The following ABLIM2 variants were observed in gnomAD, a reference collection of about 807,000 sequenced individuals.
ABLIM2 encodes the protein actin-binding LIM protein 2.
ABLIM2 carries 53 observed loss-of-function variants against 97.7 expected under a neutral mutation model. The ratio of observed to expected loss-of-function variants is 0.54; its 90% CI spans 0.44 to 0.68. ABLIM2 has a LOEUF of 0.68. Ranked by LOEUF, ABLIM2 falls within the 30% of genes least tolerant of loss-of-function variation. The pLI, the probability that ABLIM2 is intolerant of heterozygous loss-of-function variation, is 0.00. For synonymous variants in ABLIM2, 361 were observed against 345.8 expected (o/e 1.04, Z -0.49); for missense variants, 835 against 867.2 (o/e 0.96, Z 0.47).
At chr4:7,984,484 G>A (rs996817700) in intron 18 of ABLIM2, among the ~76,000 whole-genome samples, 10 of 152,224 alleles carry the variant, frequency 6.6e-5, no homozygotes, top group Non-Finnish European at 1.5e-4. Context: ...GCAGCCACAC[G>A]GGGAGCAAGG....
At chr4:8,109,844 C>T (rs749320796) in intron 1 of ABLIM2, among the ~76,000 whole-genome samples, 3 of 152,250 alleles carry the variant, frequency 2.0e-5, no homozygotes, top group Non-Finnish European at 4.4e-5. Flanking sequence ...CAGTGAGGGT[C>T]CCTGTGGGCT....
intron 8 of ABLIM2, among the ~76,000 whole-genome samples, chr4:8,051,583 A>C (rs1204809081): frequency 6.6e-6 from 1 of 151,872 alleles, no homozygotes; most frequent in Non-Finnish European, 1.5e-5. Flanking sequence ...AAAAAAAGAA[A>C]AGAAAAGAAA....
At chr4:8,007,530 A>G (rs940435914) in intron 16 of ABLIM2, 66 of 985,564 alleles carry the variant, frequency 6.7e-5, no homozygotes, top group Non-Finnish European at 7.5e-5. Flanking sequence ...AGTTTTCTCT[A>G]CATTTGAAAA....
Position 8,066,427 on chromosome 4 carries a change from A to AAGGG in ABLIM2, c.676-5377_676-5374dup, listed in dbSNP as rs1300099685. On this transcript the variant is annotated intron_variant, in intron 6 of 20. Coordinates refer to ENST00000447017, the MANE Select transcript of ABLIM2 (RefSeq NM_001130083.2). ...GAAGGAAGGAAGGAAGGAAGGAAGGAAGGGAGGGGTGGTTCCACATAAAAA... is the reference window on the plus strand; with the variant it reads ...GAAGGAAGGAAGGAAGGAAGGAAGGAAGGGAGGGAGGGGTGGTTCCACATAAAAA... 1.1e-4 allele frequency: 14 copies of AAGGG among 128,042 alleles called. No homozygotes were observed. The South Asian group carries it at 1.2e-3, about 11-fold the overall frequency. The allele number at this position is 128,042 out of a possible 1,614,324, so 7.9% of individuals were successfully genotyped here.
At chr4:8,101,832 G>A (rs1834806017) in intron 2 of ABLIM2, among the ~76,000 whole-genome samples, 1 of 152,206 alleles carries the variant, frequency 6.6e-6, no homozygotes, top group Non-Finnish European at 1.5e-5. Context: ...AACCAGATTT[G>A]TTTTTCCAGG....
chr4:8,093,399 A>C (rs1040388084), intron 3 of ABLIM2, among the ~76,000 whole-genome samples: 3 of 152,170 alleles, frequency 2.0e-5, no homozygotes, highest in African/African-American at 7.2e-5. Context: ...TTGGCTGGCA[A>C]CAAATTCTCT....
intron 4 of ABLIM2, among the ~76,000 whole-genome samples, chr4:8,084,912 C>A (rs1247549355): frequency 6.6e-6 from 1 of 152,220 alleles, no homozygotes. Flanking sequence ...GCACGGCGCT[C>A]GCACTCTGCG....
At chr4:7,987,664 C>T (rs2149802411) in intron 17 of ABLIM2, among the ~76,000 whole-genome samples, 1 of 152,324 alleles carries the variant, frequency 6.6e-6, no homozygotes, top group Admixed American at 6.5e-5. Context: ...TCTCCAGCAG[C>T]AAAACCAGCT....
chr4:8,140,077 G>A lies in ABLIM2; in HGVS notation c.10+18603C>T, dbSNP rs1266431094. ...TGAGAACACATGGAAACGGGGAGACGAACAACACACACTAGGGCCTGTCAG... is the reference window on the plus strand; with the variant it reads ...TGAGAACACATGGAAACGGGGAGACAAACAACACACACTAGGGCCTGTCAG... On this transcript the variant is annotated intron_variant, in intron 1 of 20. Transcript: ENST00000447017. This position sits in a 1 kb window ranked among gnomAD's most constrained non-coding sequence, Gnocchi z 5.9. Among the ~76,000 whole-genome samples the A allele has an allele frequency of 4.0e-5, 5 of 124,842 alleles. No individual in the cohort carries two copies. Among genetic ancestry groups the A allele is most frequent in the Admixed American group, 9.8e-5 (1 of 10,188 alleles). 81.9% of individuals were successfully genotyped at this position (124,842 alleles called of 152,430 possible).
chr4:8,133,969 T>C (rs1849804702), intron 1 of ABLIM2, among the ~76,000 whole-genome samples: 2 of 150,928 alleles, frequency 1.3e-5, no homozygotes, highest in South Asian at 4.2e-4. Flanking sequence ...TCGTCATGCA[T>C]GAAGCTGGCA....
At chr4:8,012,275 C>T (rs1765483137) in intron 14 of ABLIM2, among the ~76,000 whole-genome samples, 1 of 149,658 alleles carries the variant, frequency 6.7e-6, no homozygotes, top group African/African-American at 2.5e-5. Flanking sequence ...CCACCCACCA[C>T]CCATCCATCT....
intron 20 of ABLIM2, among the ~76,000 whole-genome samples, chr4:7,967,927 T>A (rs1577438924): frequency 6.6e-6 from 1 of 152,356 alleles, no homozygotes; most frequent in East Asian, 1.9e-4. Flanking sequence ...GCAAGCTCTG[T>A]GGAGCTCCTT....
chr4:8,004,697 A>G lies in ABLIM2; in HGVS notation c.1618+3362T>C, dbSNP rs1252217540. Among the ~76,000 whole-genome samples, 3 of 152,230 alleles carry G rather than the reference A, an allele frequency of 2.0e-5. No homozygotes were observed. In the South Asian group the frequency reaches 6.2e-4, roughly 31 times the overall value. ...CCACCTTGTGTTCCTCCCCCAAGGC[A>G]GCGAGTCTTGTTCTAGAAAACTTCC... On this transcript the variant is annotated intron_variant, in intron 16 of 20. Transcript: ENST00000447017. The surrounding 1 kb of genome is among the most constrained non-coding windows in gnomAD (Gnocchi z 5.9).
rs1033346949 is a variant in ABLIM2, at chr4:8,124,143, C to T, written c.11-17506G>A. On this transcript the variant is annotated intron_variant, in intron 1 of 20. Transcript: ENST00000447017. The surrounding 1 kb of genome is among the most constrained non-coding windows in gnomAD (Gnocchi z 6.1). ...GACATCACAACCTAGAATAATTCAT[C>T]TATCTTCTCATAAGGCAGCACCTCG... 1.3e-5 allele frequency among the ~76,000 whole-genome samples: 2 copies of T among 152,204 alleles called. No homozygotes were observed. Among genetic ancestry groups the T allele is most frequent in the African/African-American group, 4.8e-5 (2 of 41,438 alleles).
chr4:8,125,775 C>T lies in ABLIM2; in HGVS notation c.11-19138G>A, dbSNP rs1396782883. Among the ~76,000 whole-genome samples, 1 of 152,212 alleles carries T rather than the reference C, an allele frequency of 6.6e-6. No individual in the cohort carries two copies. The highest frequency in any genetic ancestry group is 6.5e-5 in the Admixed American group (1 of 15,276). On this transcript the variant is annotated intron_variant, in intron 1 of 20. Coordinates refer to ENST00000447017, the MANE Select transcript of ABLIM2 (RefSeq NM_001130083.2). The surrounding 1 kb of genome is among the most constrained non-coding windows in gnomAD (Gnocchi z 6.2). ...GAAACTCCATCTGGGACACGGACAT[C>T]GTCACCTGCTGTCTGCTCTGGGCAT...
intron 7 of ABLIM2, among the ~76,000 whole-genome samples, chr4:8,057,691 T>C (rs535072923): frequency 6.6e-5 from 10 of 152,374 alleles, no homozygotes; most frequent in Admixed American, 2.6e-4. Flanking sequence ...CAGGATCTAA[T>C]GCCCCACCCC....
intron 20 of ABLIM2, among the ~76,000 whole-genome samples, chr4:7,975,440 C>T (rs1732188568): frequency 6.6e-6 from 1 of 152,210 alleles, no homozygotes; most frequent in Admixed American, 6.5e-5. Flanking sequence ...CTCCTGCGTA[C>T]TTATCCACTC....
At chr4:8,017,870 G>A (rs1416395334) in intron 14 of ABLIM2, among the ~76,000 whole-genome samples, 1 of 152,030 alleles carries the variant, frequency 6.6e-6, no homozygotes, top group Admixed American at 6.6e-5. Context: ...GTTTGCTCCT[G>A]TAGTCCCAGG....
At chr4:8,028,982 C>T (rs1420043120) in intron 11 of ABLIM2, among the ~76,000 whole-genome samples, 2 of 152,218 alleles carry the variant, frequency 1.3e-5, no homozygotes, top group African/African-American at 4.8e-5. Flanking sequence ...CCTCGAAAGG[C>T]AGTGTCCGTG....
Sources: gnomAD v4.1 joint callset for allele counts (sites outside exome capture counted in the v4.1 genomes callset) on GRCh38, gnomAD v4.1.1 for gene constraint, Gnocchi (gnomAD v3.1) non-coding constraint, MANE v1.5 for transcripts, NCBI Gene and HGNC (gene_info 2026-07-23, HGNC 2026-07-21) for gene names.